Variants in SHISA2 observed in about 807,000 individuals in gnomAD.
The protein encoded by SHISA2 is shisa family member 2.
A neutral mutation model predicts 23.8 loss-of-function variants in SHISA2; 16 were observed. That is an observed-to-expected ratio of 0.67 (90% CI 0.46 to 1.02). The LOEUF is 1.02. Ranked by LOEUF, SHISA2 falls within the 50% of genes least tolerant of loss-of-function variation. The probability of loss-of-function intolerance (pLI) is 0.00; values close to 1 mark genes in which losing one functional copy is unlikely to be tolerated. For synonymous variants in SHISA2, 201 were observed against 178.6 expected (o/e 1.13, Z -1.00); for missense variants, 459 against 420.1 (o/e 1.09, Z -0.81).
intron 1 of SHISA2, among the ~76,000 whole-genome samples, chr13:26,047,827 G>A (rs2137486966): frequency 6.6e-6 from 1 of 152,298 alleles, no homozygotes; most frequent in Admixed American, 6.5e-5. Flanking sequence ...GGAGCAACAA[G>A]ACGTGTTCCA....
rs760898953 is a variant in SHISA2, at chr13:26,050,893, G to A, written c.83C>T (p.Ala28Val). Residue 28 changes from alanine (A) to valine (V), a missense_variant, in exon 1 of 2, where the codon GCG becomes GTG. Ala to Val is a moderately conservative substitution (Grantham distance 64). Coordinates refer to ENST00000319420, the MANE Select transcript of SHISA2 (RefSeq NM_001007538.2). ...CTCGCCGCTGGCCCTCGCCCCCGCCGCCAGCAGCGCAGCCAGCAGCAGCTG... is the reference window on the plus strand; with the variant it reads ...CTCGCCGCTGGCCCTCGCCCCCGCCACCAGCAGCGCAGCCAGCAGCAGCTG... ...LLQLLLAALL[A>V]AGARASGEYC... The A allele has an allele frequency of 1.3e-6, 2 of 1,519,058 alleles. No individual in the cohort carries two copies. Among genetic ancestry groups the A allele is most frequent in the African/African-American group, 1.4e-5 (1 of 70,252 alleles). The allele number at this position is 1,519,058 out of a possible 1,614,324, so 94.1% of individuals were successfully genotyped here.
Position 26,050,897 on chromosome 13 carries a change from G to A in SHISA2, c.79C>T (p.Leu27=), listed in dbSNP as rs1957298703. 1 of 1,519,350 alleles carries A rather than the reference G, an allele frequency of 6.6e-7. No individual in the cohort carries two copies. Among genetic ancestry groups the A allele is most frequent in the Non-Finnish European group, 8.8e-7 (1 of 1,141,030 alleles). 94.1% of individuals were successfully genotyped at this position (1,519,350 alleles called of 1,614,324 possible). The change falls in exon 1 of 2, where the codon CTG becomes TTG. Residue 27 remains leucine (L), a synonymous_variant. Transcript: ENST00000319420. ...SLLQLLLAAL[L]AAGARASGEY... Reference sequence around the variant, plus strand: ...CCGCTGGCCCTCGCCCCCGCCGCCAGCAGCGCAGCCAGCAGCAGCTGCAGG... The same window carrying A: ...CCGCTGGCCCTCGCCCCCGCCGCCAACAGCGCAGCCAGCAGCAGCTGCAGG...
chr13:26,049,083 T>C (rs1278311694), intron 1 of SHISA2, among the ~76,000 whole-genome samples: 2 of 152,096 alleles, frequency 1.3e-5, no homozygotes, highest in Admixed American at 1.3e-4. Flanking sequence ...AATAAATTAA[T>C]AGTAGTAAAG....
Position 26,045,147 on chromosome 13 carries a change from G to A in SHISA2, c.*1366C>T, listed in dbSNP as rs1185908545. On this transcript the variant is annotated 3_prime_UTR_variant, in exon 2 of 2. Coordinates refer to ENST00000319420, the MANE Select transcript of SHISA2 (RefSeq NM_001007538.2). ...GGTTATGGCTGAGGAGCTATACTAA[G>A]TATCTTTGTAACACATTTCTTTGAA... 2.0e-5 allele frequency: 3 copies of A among 152,164 alleles called. No individual in the cohort carries two copies. The highest frequency in any genetic ancestry group is 4.4e-5 in the Non-Finnish European group (3 of 68,030). 9.4% of individuals were successfully genotyped at this position (152,164 alleles called of 1,614,324 possible). A position where few individuals can be genotyped will look rare whatever the true frequency, so the allele number is the denominator to read the frequency against.
rs1239675318 is a variant in SHISA2 at position 26,050,649 on chromosome 13, G to A, written c.327C>T (p.Gly109=). ...GGGCGCAGGCCGCCCTACCTGCCGA[G>A]CCGTCGGGGCCGTCTTTGTCCGCCC... The part of the protein sequence containing the change: ...PGRADKDGPD[G]SAVPIYVPFL... The change falls in exon 1 of 2, where the codon GGC becomes GGT. Residue 109 remains glycine (G), a synonymous_variant. Coordinates refer to ENST00000319420, the MANE Select transcript of SHISA2 (RefSeq NM_001007538.2). The A allele has an allele frequency of 3.6e-6, 5 of 1,401,368 alleles. No individual in the cohort carries two copies. The highest frequency in any genetic ancestry group is 4.6e-6 in the Non-Finnish European group (5 of 1,087,360). 86.8% of individuals were successfully genotyped at this position (1,401,368 alleles called of 1,614,324 possible). A position where few individuals can be genotyped will look rare whatever the true frequency, so the allele number is the denominator to read the frequency against.
At position 26,051,793 on chromosome 13, in the gene SHISA2, G is replaced by A. The variant is rs1424626836; in HGVS notation, c.-818C>T. On this transcript the variant is annotated 5_prime_UTR_variant, in exon 1 of 2. Coordinates refer to ENST00000319420, the MANE Select transcript of SHISA2 (RefSeq NM_001007538.2). ...CGGATCCAGGCGGGCGGCTCGCCCCGGTTCCCCTTCTCCGCCTCCCCGGCT... is the reference window on the plus strand; with the variant it reads ...CGGATCCAGGCGGGCGGCTCGCCCCAGTTCCCCTTCTCCGCCTCCCCGGCT... Among the ~76,000 whole-genome samples the A allele has an allele frequency of 2.6e-5, 4 of 152,050 alleles. No individual in the cohort carries two copies. Among genetic ancestry groups the A allele is most frequent in the Admixed American group, 2.0e-4 (3 of 15,282 alleles).
At chr13:26,047,088 C>A in intron 1 of SHISA2, 22 bp from the exon 2 acceptor site, 1 of 1,519,060 alleles carries the variant, frequency 6.6e-7, no homozygotes, top group Non-Finnish European at 8.8e-7. Context: ...GACAGAAACA[C>A]AACATTATGA....
Position 26,046,991 on chromosome 13 carries a change from G to A in SHISA2, c.410C>T (p.Ala137Val), listed in dbSNP as rs1298829669. The A allele has an allele frequency of 1.9e-6, 3 of 1,596,732 alleles. No individual in the cohort carries two copies. The highest frequency in any genetic ancestry group is 3.5e-5 in the Admixed American group (2 of 57,404). The change falls in exon 2 of 2, where the codon GCC (alanine) becomes GTC (valine). Residue 137 changes from alanine (A) to valine (V), a missense_variant. Coordinates refer to ENST00000319420, the MANE Select transcript of SHISA2 (RefSeq NM_001007538.2). ...AFIILGSLVA[A>V]CCCRCLRPKQ... ...AGGCCGGAGACATCTGCAGCAACAG[G>A]CTGCCACCAGGGACCCCAAGATGAT... is the stretch of plus-strand genomic sequence containing the variant.
chr13:26,046,928 T>G lies in SHISA2; in HGVS notation c.473A>C (p.Asn158Thr). ...CATGGGGATGGTCTCCATCAAGCGG[T>G]TACCCCCTGGGGCTCGGCTCTGCTG... is the stretch of plus-strand genomic sequence containing the variant. ...DPQQSRAPGGNRLMETIPMIP... is the reference protein window; with the variant it reads ...DPQQSRAPGGTRLMETIPMIP... Residue 158 changes from asparagine (N) to threonine (T), a missense_variant, in exon 2 of 2, where the codon AAC becomes ACC. Physicochemically the swap from Asn to Thr is moderately conservative, Grantham distance 65. Transcript: ENST00000319420. The G allele has an allele frequency of 6.2e-7, 1 of 1,613,294 alleles. No homozygotes were observed. The highest frequency in any genetic ancestry group is 8.5e-7 in the Non-Finnish European group (1 of 1,179,688).
chr13:26,045,473 C>T lies in SHISA2; in HGVS notation c.*1040G>A, dbSNP rs1442364289. 6.6e-6 allele frequency: 1 copy of T among 152,138 alleles called. No homozygotes were observed. Among genetic ancestry groups the T allele is most frequent in the Non-Finnish European group, 1.5e-5 (1 of 68,022 alleles). The allele number at this position is 152,138 out of a possible 1,614,324, so 9.4% of individuals were successfully genotyped here. Reference sequence around the variant, plus strand: ...ATGAATGGTTTTATGACTATACCACCTACTACTTCAAGATTAAAATCATCC... The same window carrying T: ...ATGAATGGTTTTATGACTATACCACTTACTACTTCAAGATTAAAATCATCC... On this transcript the variant is annotated 3_prime_UTR_variant, in exon 2 of 2. Transcript: ENST00000319420.
Position 26,046,883 on chromosome 13 carries a change from G to A in SHISA2, c.518C>T (p.Ser173Phe), listed in dbSNP as rs766958056. The change falls in exon 2 of 2, where the codon TCC (serine) becomes TTC (phenylalanine). Residue 173 changes from serine (S) to phenylalanine (F), a missense_variant. Coordinates refer to ENST00000319420, the MANE Select transcript of SHISA2 (RefSeq NM_001007538.2). ...TIPMIPSASTSRGSSSRQSST... is the reference protein window; with the variant it reads ...TIPMIPSASTFRGSSSRQSST... Reference sequence around the variant, plus strand: ...GGACTGGCGTGAGGACGACCCCCGGGAGGTGCTGGCACTGGGGATCATGGG... The same window carrying A: ...GGACTGGCGTGAGGACGACCCCCGGAAGGTGCTGGCACTGGGGATCATGGG... 1.9e-5 allele frequency: 30 copies of A among 1,613,616 alleles called. No homozygotes were observed. The highest frequency in any genetic ancestry group is 2.5e-5 in the Non-Finnish European group (29 of 1,179,832).
At chr13:26,048,815 A>G (rs1056549300) in intron 1 of SHISA2, among the ~76,000 whole-genome samples, 2 of 152,224 alleles carry the variant, frequency 1.3e-5, no homozygotes, top group African/African-American at 4.8e-5. Context: ...ATTTAACCAA[A>G]GGCTGACTGT....
At chr13:26,047,251 A>G (rs1957275030) in intron 1 of SHISA2, among the ~76,000 whole-genome samples, 185 bp from the exon 2 acceptor site, 1 of 152,152 alleles carries the variant, frequency 6.6e-6, no homozygotes, top group Non-Finnish European at 1.5e-5. Context: ...AGTGCTTAGA[A>G]AGGTCCTAAG....
rs1957301804 is a variant in SHISA2, at chr13:26,051,225, GATGGAA to G, written c.-256_-251del. 6.6e-6 allele frequency among the ~76,000 whole-genome samples: 1 copy of G among 152,226 alleles called. No individual in the cohort carries two copies. Among genetic ancestry groups the G allele is most frequent in the South Asian group, 2.1e-4 (1 of 4,836 alleles). On this transcript the variant is annotated 5_prime_UTR_variant, in exon 1 of 2. Transcript: ENST00000319420. ...GACTGCCTTATGAGTTGCACTCGCT[GATGGAA>G]ATCTCGGGATGCAGTCAGAAGGCCC...
intron 1 of SHISA2, 98 bp from the exon 2 acceptor site, chr13:26,047,164 T>A: frequency 1.6e-6 from 2 of 1,256,592 alleles, no homozygotes; most frequent in Non-Finnish European, 2.1e-6. Context: ...GCAACACTGA[T>A]ACCCACAGCT....
Position 26,052,016 on chromosome 13 carries a change from C to G in SHISA2, c.-1041G>C, listed in dbSNP as rs561179161. Reference sequence around the variant, plus strand: ...CCCGGCGCCAGACCAGCTCCGACTCCGCTCGCTGCCGCGCTGAGCCGCGCT... The same window carrying G: ...CCCGGCGCCAGACCAGCTCCGACTCGGCTCGCTGCCGCGCTGAGCCGCGCT... On this transcript the variant is annotated 5_prime_UTR_variant, in exon 1 of 2. Coordinates refer to ENST00000319420, the MANE Select transcript of SHISA2 (RefSeq NM_001007538.2). Among the ~76,000 whole-genome samples, 2 of 152,118 alleles carry G rather than the reference C, an allele frequency of 1.3e-5. No homozygotes were observed. The highest frequency in any genetic ancestry group is 1.3e-4 in the Admixed American group (2 of 15,284).
chr13:26,046,776 G>T lies in SHISA2; in HGVS notation c.625C>A (p.Pro209Thr). 4 of 1,614,214 alleles carry T rather than the reference G, an allele frequency of 2.5e-6. No individual in the cohort carries two copies. The highest frequency in any genetic ancestry group is 3.4e-6 in the Non-Finnish European group (4 of 1,180,040). The change falls in exon 2 of 2, where the codon CCG (proline) becomes ACG (threonine). Residue 209 changes from proline (P) to threonine (T), a missense_variant. Pro to Thr is a conservative substitution (Grantham distance 38). Coordinates refer to ENST00000319420, the MANE Select transcript of SHISA2 (RefSeq NM_001007538.2). ...TACACGTTGTTCATGGTCCCTTCCG[G>T]CAAGCAACAGTTGGTCTGTGACCTT... The part of the protein sequence containing the change: ...PTRSQTNCCL[P>T]EGTMNNVYVN...
chr13:26,050,558 TTTC>T, intron 1 of SHISA2, 81 bp downstream of exon 1: 1 of 1,298,198 alleles, frequency 7.7e-7, no homozygotes, highest in Non-Finnish European at 9.9e-7. Flanking sequence ...CTTTCCTGAA[TTTC>T]CCCCCTTCAA....
At chr13:26,047,206 T>A in intron 1 of SHISA2, 140 bp from the exon 2 acceptor site, 1 of 903,558 alleles carries the variant, frequency 1.1e-6, no homozygotes, top group Non-Finnish European at 1.6e-6. Flanking sequence ...TTTGTTCACA[T>A]ATTAGGAGTC....
Sources: gnomAD v4.1 joint callset for allele counts (sites outside exome capture counted in the v4.1 genomes callset) on GRCh38, gnomAD v4.1.1 for gene constraint, MANE v1.5 for transcripts, NCBI Gene and HGNC (gene_info 2026-07-23, HGNC 2026-07-21) for gene names.